The following OCM variants were observed in gnomAD, a reference collection of about 807,000 sequenced individuals.
OCM encodes oncomodulin-1.
In OCM, 18 loss-of-function variants were observed where a neutral mutation model predicts 14.1. The ratio of observed to expected loss-of-function variants is 1.28; its 90% CI spans 0.88 to 1.89. The LOEUF is 1.89. Among genes scored for constraint, OCM ranks in the 40% most tolerant of loss-of-function variants. The pLI is 0.00. For synonymous variants in OCM, 48 were observed against 51.0 expected, an observed-to-expected ratio of 0.94 and a Z score of 0.25; for missense variants, 140 against 137.6, an observed-to-expected ratio of 1.02 and a Z score of -0.09.
chr7:5,867,445 G>T, the OCM span, among the ~76,000 whole-genome samples: 1 of 151,840 alleles, frequency 6.6e-6, no homozygotes, highest in South Asian at 2.1e-4. Flanking sequence ...ATAATAATGC[G>T]CCCTTTATAC....
the OCM span, among the ~76,000 whole-genome samples, chr7:5,871,588 A>G: frequency 1.3e-5 from 2 of 152,106 alleles, no homozygotes; most frequent in Non-Finnish European, 2.9e-5. Context: ...GCAATGTTGC[A>G]CACACCTGTT....
chr7:5,873,361 G>A, the OCM span, among the ~76,000 whole-genome samples: 1 of 151,972 alleles, frequency 6.6e-6, no homozygotes, highest in African/African-American at 2.4e-5. Context: ...TGGGCAACAA[G>A]AGCAAAACTC....
At chr7:5,870,827 A>C in the OCM span, among the ~76,000 whole-genome samples, 1 of 152,194 alleles carries the variant, frequency 6.6e-6, no homozygotes, top group Non-Finnish European at 1.5e-5. Context: ...TCAAATTGAC[A>C]TACAAAATTA....
chr7:5,879,294 T>C (rs1781160682), upstream of OCM, among the ~76,000 whole-genome samples: 1 of 152,190 alleles, frequency 6.6e-6, no homozygotes, highest in Non-Finnish European at 1.5e-5. Context: ...GGATGCTGGT[T>C]TGATTTCCTC....
upstream of OCM, among the ~76,000 whole-genome samples, chr7:5,879,671 G>C (rs1267250011): frequency 6.9e-6 from 1 of 143,928 alleles, no homozygotes; most frequent in Admixed American, 7.1e-5. Context: ...TGAAATCTTA[G>C]TTAAGGTTTG....
At position 5,884,057 on chromosome 7, in the gene OCM, G is replaced by T; in HGVS notation, c.304+58G>T. The T allele has an allele frequency of 2.5e-6, 4 of 1,599,590 alleles. No homozygotes were observed. In the Admixed American group the frequency reaches 5.1e-5, roughly 21 times the overall value. ...TCTAGCTCAGGAAGCATCCGTGAGG[G>T]CTTGGGCTGTGAGATCAAACCAATG... On this transcript the variant is annotated intron_variant, in intron 3 of 3. Coordinates refer to ENST00000242104, the MANE Select transcript of OCM (RefSeq NM_001097622.2).
chr7:5,882,449 T>C (rs762292194), intron 1 of OCM, 44 bp from the exon 2 acceptor site: 16 of 1,603,084 alleles, frequency 1.0e-5, no homozygotes, highest in Admixed American at 6.8e-5. Flanking sequence ...CAACATAGAA[T>C]GTGATCCAAC....
upstream of OCM, among the ~76,000 whole-genome samples, chr7:5,879,407 G>GTCACTTAGCCCTGTCTCCTGTGCC (rs1781162575): frequency 6.6e-6 from 1 of 152,082 alleles, no homozygotes; most frequent in South Asian, 2.1e-4. Flanking sequence ...CTCCTGTGCC[G>GTCACTTAGCCCTGTCTCCTGTGCC]GGTGAGACCT....
chr7:5,875,071 TTG>T (rs1284750509), upstream of OCM, among the ~76,000 whole-genome samples: 1 of 150,884 alleles, frequency 6.6e-6, no homozygotes. Context: ...TTTTTTTTTT[TTG>T]AGACGGAGTC....
rs536839878 is a variant in OCM at position 5,886,266 on chromosome 7, T to C, written c.*177T>C. The C allele has an allele frequency of 4.6e-5, 39 of 856,132 alleles. No homozygotes were observed. In the East Asian group the frequency reaches 9.9e-4, roughly 22 times the overall value. 53.0% of individuals were successfully genotyped at this position (856,132 alleles called of 1,614,324 possible). A position where few individuals can be genotyped will look rare whatever the true frequency, so the allele number is the denominator to read the frequency against. The stretch of plus-strand genomic sequence containing the variant: ...CACGAGGGAGTCACTCCTGACTTTC[T>C]TGGTGGTGGGTATATGCCCTGACAA... On this transcript the variant is annotated 3_prime_UTR_variant, in exon 4 of 4. Transcript: ENST00000242104.
the OCM span, among the ~76,000 whole-genome samples, chr7:5,860,007 G>T: frequency 6.6e-6 from 1 of 151,592 alleles, no homozygotes; most frequent in South Asian, 2.1e-4. Context: ...TTATTGGATG[G>T]TTTTTCCTGG....
chr7:5,861,887 A>T, the OCM span, among the ~76,000 whole-genome samples: 1 of 151,880 alleles, frequency 6.6e-6, no homozygotes, highest in African/African-American at 2.4e-5. Context: ...CCTACTTTTT[A>T]ATTTAAAAAA....
chr7:5,884,409 C>A (rs1030342546), intron 3 of OCM, among the ~76,000 whole-genome samples: 2 of 152,132 alleles, frequency 1.3e-5, no homozygotes, highest in African/African-American at 4.8e-5. Context: ...CATTGGCATG[C>A]GTAGGAAGCC....
chr7:5,875,284 G>A (rs1162130567), upstream of OCM, among the ~76,000 whole-genome samples: 4 of 151,744 alleles, frequency 2.6e-5, no homozygotes, highest in South Asian at 2.1e-4. Context: ...CTCGAACTCC[G>A]GACCTCAGGT....
chr7:5,865,197 G>A, the OCM span, among the ~76,000 whole-genome samples: 5 of 152,260 alleles, frequency 3.3e-5, no homozygotes, highest in Non-Finnish European at 7.4e-5. Context: ...AGTGTGATTT[G>A]CAAATGCCTG....
At chr7:5,860,489 GTATA>G in the OCM span, among the ~76,000 whole-genome samples, 327 of 96,898 alleles carry the variant, frequency 3.4e-3, 31 homozygotes, top group Admixed American at 4.7e-3. Flanking sequence ...ATATATACGT[GTATA>G]TATATATTAC....
At chr7:5,867,296 A>G in the OCM span, among the ~76,000 whole-genome samples, 3 of 152,114 alleles carry the variant, frequency 2.0e-5, no homozygotes, top group African/African-American at 7.2e-5. Flanking sequence ...TGGGCAACAT[A>G]GCAAGACCCC....
upstream of OCM, among the ~76,000 whole-genome samples, chr7:5,875,836 CTTTTT>C (rs879801386): frequency 6.9e-6 from 1 of 145,908 alleles, no homozygotes; most frequent in Non-Finnish European, 1.5e-5. Flanking sequence ...TTTCAGAAAC[CTTTTT>C]TTTTTTTTTC....
At chr7:5,862,972 C>T in the OCM span, among the ~76,000 whole-genome samples, 2 of 151,644 alleles carry the variant, frequency 1.3e-5, no homozygotes, top group Non-Finnish European at 2.9e-5. Context: ...CCTCTACTCC[C>T]TCTTTTCATA....
Sources: allele counts gnomAD v4.1 joint callset (sites outside exome capture counted in the v4.1 genomes callset), GRCh38; gene constraint gnomAD v4.1.1; transcripts MANE v1.5; gene names NCBI Gene and HGNC (gene_info 2026-07-23, HGNC 2026-07-21).